Variants in HSF4 observed in about 807,000 individuals in gnomAD.
HSF4 encodes heat shock factor protein 4.
HSF4 carries 41 observed loss-of-function variants against 52.0 expected under a neutral mutation model. That is an observed-to-expected ratio of 0.79 (90% CI 0.61 to 1.02). HSF4 has a LOEUF of 1.02. Ranked by LOEUF, HSF4 falls within the 50% of genes least tolerant of loss-of-function variation. The pLI, the probability that HSF4 is intolerant of heterozygous loss-of-function variation, is 0.00. For synonymous variants in HSF4, 285 were observed against 273.0 expected (o/e 1.04, Z -0.43); for missense variants, 610 against 651.1 (o/e 0.94, Z 0.69).
upstream of HSF4, chr16:67,164,030 GC>G: frequency 1.3e-6 from 1 of 743,380 alleles, no homozygotes. Flanking sequence ...CGCCCCACCC[GC>G]TCGGTCCTGG....
At chr16:67,166,698 C>T in intron 6 of HSF4, 76 bp downstream of exon 6, 1 of 1,325,300 alleles carries the variant, frequency 7.5e-7, no homozygotes, top group African/African-American at 1.4e-5. Flanking sequence ...ACCCCTTCTC[C>T]TCTGGAAACT....
chr16:67,167,092 C>T (rs2031361043), intron 6 of HSF4, 28 bp from the exon 7 acceptor site: 4 of 1,613,872 alleles, frequency 2.5e-6, no homozygotes, highest in Non-Finnish European at 3.4e-6. Context: ...CTGCCCCACC[C>T]CTGCCTGTGC....
intron 4 of HSF4, 34 bp downstream of exon 4, chr16:67,166,104 G>C (rs1384820256): frequency 2.1e-6 from 3 of 1,458,270 alleles, no homozygotes; most frequent in Admixed American, 4.0e-5. Flanking sequence ...GGGGACAGGG[G>C]TGGGGGGTTC....
chr16:67,169,323 C>T lies in HSF4; in HGVS notation c.1299C>T (p.Val433=). 1 of 1,613,650 alleles carries T rather than the reference C, an allele frequency of 6.2e-7. No homozygotes were observed. Among genetic ancestry groups the T allele is most frequent in the South Asian group, 1.1e-5 (1 of 90,970 alleles). The change falls in exon 12 of 13, where the codon GTC becomes GTT. Residue 433 remains valine (V), a synonymous_variant. Coordinates refer to ENST00000521374, the MANE Select transcript of HSF4 (RefSeq NM_001374675.1). The surrounding 1 kb of genome is among the most constrained non-coding windows in gnomAD (Gnocchi z 4.3). Reference sequence around the variant, plus strand: ...AGCGGGGTGAGCCTGAGCTGGCGGTCAAGGGGTTAAATTCTCCAAGCCCAG... The same window carrying T: ...AGCGGGGTGAGCCTGAGCTGGCGGTTAAGGGGTTAAATTCTCCAAGCCCAG... ...VPERGEPELA[V]KGLNSPSPGK...
At position 67,166,260 on chromosome 16, in the gene HSF4, T is replaced by TG. The variant is rs1465013229; in HGVS notation, c.486-54dup. On this transcript the variant is annotated intron_variant, in intron 4 of 12. Transcript: ENST00000521374. ...CTGGGTCCCCAGCCTCGCCATTCTG[T>TG]GGGGGGTGGTGACTGGGCGAACTCT... is the stretch of plus-strand genomic sequence containing the variant. 3.3e-6 allele frequency: 5 copies of TG among 1,513,776 alleles called. No individual in the cohort carries two copies. In the South Asian group the frequency reaches 3.5e-5, roughly 11 times the overall value. 93.8% of individuals were successfully genotyped at this position (1,513,776 alleles called of 1,614,324 possible).
intron 9 of HSF4, among the ~76,000 whole-genome samples, chr16:67,168,388 C>T (rs888736550): frequency 1.6e-4 from 24 of 151,842 alleles, no homozygotes; most frequent in African/African-American, 4.6e-4. Flanking sequence ...GCAGGACAGT[C>T]GCTTGAACTT....
chr16:67,165,445 G>T lies in HSF4; in HGVS notation c.124-77G>T. The T allele has an allele frequency of 1.5e-6, 2 of 1,309,026 alleles. No individual in the cohort carries two copies. The highest frequency in any genetic ancestry group is 1.1e-6 in the Non-Finnish European group (1 of 904,972). 81.1% of individuals were successfully genotyped at this position (1,309,026 alleles called of 1,614,324 possible). A position where few individuals can be genotyped will look rare whatever the true frequency, so the allele number is the denominator to read the frequency against. On this transcript the variant is annotated intron_variant, in intron 1 of 12. Coordinates refer to ENST00000521374, the MANE Select transcript of HSF4 (RefSeq NM_001374675.1). This position sits in a 1 kb window ranked among gnomAD's most constrained non-coding sequence, Gnocchi z 6.9. ...CATGAGTGTGTGCGCGCGCTGGAGC[G>T]CAGGACTGGCCGTGAGCGGGCACCG...
In HSF4 at chr16:67,169,736, A is replaced by G. The variant is rs1348402458; in HGVS notation, c.1430A>G (p.Glu477Gly). The G allele has an allele frequency of 6.2e-7, 1 of 1,613,090 alleles. No individual in the cohort carries two copies. Among genetic ancestry groups the G allele is most frequent in the South Asian group, 1.1e-5 (1 of 91,080 alleles). ...PGALTIYSTP[E>G]SRTASYLGPE... ...GCTTTAACCATTTATAGCACTCCTG[A>G]GAGCCGGACTGCCTCCTACTTGGGC... Residue 477 changes from glutamate to glycine, a missense_variant, in exon 13 of 13, where the codon GAG becomes GGG. By Grantham distance (98) the Glu-to-Gly change is moderately conservative. Coordinates refer to ENST00000521374, the MANE Select transcript of HSF4 (RefSeq NM_001374675.1). This position sits in a 1 kb window ranked among gnomAD's most constrained non-coding sequence, Gnocchi z 4.3.
In HSF4 at chr16:67,166,405, T is replaced by G; in HGVS notation, c.561+10T>G. 1 of 1,605,362 alleles carries G rather than the reference T, an allele frequency of 6.2e-7. No individual in the cohort carries two copies. On this transcript the variant is annotated intron_variant, in intron 5 of 12. Coordinates refer to ENST00000521374, the MANE Select transcript of HSF4 (RefSeq NM_001374675.1). Reference sequence around the variant, plus strand: ...CCGGGTCATTGGCAAGGTGTTCCTCTCCCCAAGCCTCGCTTCTCCCTCCCA... The same window carrying G: ...CCGGGTCATTGGCAAGGTGTTCCTCGCCCCAAGCCTCGCTTCTCCCTCCCA...
chr16:67,164,287 C>T (rs2031076558), upstream of HSF4: 2 of 395,084 alleles, frequency 5.1e-6, no homozygotes, highest in Non-Finnish European at 9.9e-6. Context: ...AGCCTCTGGA[C>T]GACACAGCTG....
rs770184639 is a variant in HSF4 at position 67,168,882 on chromosome 16, T to G, written c.1134T>G (p.Pro378=). ...ACAGGAGCCCAGAGAGTCTGCTGCC[T>G]CCGATGCTGCTTCAGCCCCCTCAAG... ...SGDRSPESLL[P]PMLLQPPQES... is the part of the protein sequence containing the mutation. Residue 378 remains proline, a synonymous_variant, in exon 10 of 13, where the codon CCT becomes CCG. Coordinates refer to ENST00000521374, the MANE Select transcript of HSF4 (RefSeq NM_001374675.1). 6.2e-7 allele frequency: 1 copy of G among 1,613,994 alleles called. No individual in the cohort carries two copies. Among genetic ancestry groups the G allele is most frequent in the Admixed American group, 1.7e-5 (1 of 60,022 alleles).
In HSF4 at chr16:67,165,402, C is replaced by T; in HGVS notation, c.124-120C>T. ...GACCCATATCCCCGTAAGCGGCAGG[C>T]CTGGACCCAAGAGTGAGCATGAGTG... On this transcript the variant is annotated intron_variant, in intron 1 of 12. Transcript: ENST00000521374. This position sits in a 1 kb window ranked among gnomAD's most constrained non-coding sequence, Gnocchi z 6.9. 1.1e-6 allele frequency: 1 copy of T among 941,914 alleles called. No individual in the cohort carries two copies. Among genetic ancestry groups the T allele is most frequent in the Non-Finnish European group, 1.7e-6 (1 of 587,516 alleles). The allele number at this position is 941,914 out of a possible 1,614,324, so 58.3% of individuals were successfully genotyped here. A position where few individuals can be genotyped will look rare whatever the true frequency, so the allele number is the denominator to read the frequency against.
In HSF4 at chr16:67,169,477, G is replaced by A; in HGVS notation, c.1324+129G>A. 1.3e-6 allele frequency: 2 copies of A among 1,573,492 alleles called. No individual in the cohort carries two copies. The highest frequency in any genetic ancestry group is 1.7e-6 in the Non-Finnish European group (2 of 1,163,234). On this transcript the variant is annotated intron_variant, in intron 12 of 12. Coordinates refer to ENST00000521374, the MANE Select transcript of HSF4 (RefSeq NM_001374675.1). This position sits in a 1 kb window ranked among gnomAD's most constrained non-coding sequence, Gnocchi z 4.3. ...CAGGCTGCACTGCAGAGCGTTCCTT[G>A]AGCCACCCATGCCCTCACCATTGGG...
chr16:67,165,087 G>C lies in HSF4; in HGVS notation c.123+153G>C. ...TTCACCTTGGAGGGGGTGTGCGAGA[G>C]GGGGGTTTCCTCTGCGGCCGAAGAA... On this transcript the variant is annotated intron_variant, in intron 1 of 12. Coordinates refer to ENST00000521374, the MANE Select transcript of HSF4 (RefSeq NM_001374675.1). This position sits in a 1 kb window ranked among gnomAD's most constrained non-coding sequence, Gnocchi z 6.9. The C allele has an allele frequency of 1.2e-6, 1 of 857,746 alleles. No homozygotes were observed. Among genetic ancestry groups the C allele is most frequent in the Non-Finnish European group, 1.7e-6 (1 of 573,094 alleles). The allele number at this position is 857,746 out of a possible 1,614,324, so 53.1% of individuals were successfully genotyped here.
At position 67,166,591 on chromosome 16, in the gene HSF4, G is replaced by A. The variant is rs764542115; in HGVS notation, c.595G>A (p.Gly199Arg). The A allele has an allele frequency of 1.7e-5, 28 of 1,613,834 alleles. No individual in the cohort carries two copies. Among genetic ancestry groups the A allele is most frequent in the Middle Eastern group, 1.6e-4 (1 of 6,084 alleles). Residue 199 changes from glycine to arginine, a missense_variant, in exon 6 of 13, where the codon GGG becomes AGG. Physicochemically the swap from Gly to Arg is moderately radical, Grantham distance 125. Transcript: ENST00000521374. The part of the protein sequence containing the change: ...IQCLFGPLQA[G>R]PSNAGGKRKL... Reference sequence around the variant, plus strand: ...GTGTCTCTTTGGGCCACTTCAGGCGGGGCCGAGCAATGCAGGAGGCAAGAG... The same window carrying A: ...GTGTCTCTTTGGGCCACTTCAGGCGAGGCCGAGCAATGCAGGAGGCAAGAG...
chr16:67,166,719 G>C (rs778243928), intron 6 of HSF4, 97 bp downstream of exon 6: 4 of 1,149,720 alleles, frequency 3.5e-6, no homozygotes, highest in Non-Finnish European at 5.2e-6. Context: ...CCTTCACCGG[G>C]AATCCTCATT....
rs1567670038 is a variant in HSF4, at chr16:67,167,878, GC to G, written c.1014del (p.Phe339SerfsTer57). ...VVQAILEGKG[S>X]FSPEGPRNAQ... ...CAGGCCATCCTGGAAGGGAAAGGGA[GC>G]TTCAGCCCCGAGGGGCCCAGGAATG... On this transcript the variant is annotated frameshift_variant, in exon 9 of 13. Transcript: ENST00000521374. LOFTEE classifies it high-confidence loss of function. 1 of 1,606,740 alleles carries G rather than the reference GC, an allele frequency of 6.2e-7. No individual in the cohort carries two copies. Among genetic ancestry groups the G allele is most frequent in the East Asian group, 2.2e-5 (1 of 44,670 alleles).
rs1465808526 is a variant in HSF4 at position 67,169,385 on chromosome 16, G to A, written c.1324+37G>A. The stretch of plus-strand genomic sequence containing the variant: ...GATGACTCCTACCTGGGAGGACGCC[G>A]TGATTGGGCTGAGCTACCTTGATTG... On this transcript the variant is annotated intron_variant, in intron 12 of 12. Transcript: ENST00000521374. This position sits in a 1 kb window ranked among gnomAD's most constrained non-coding sequence, Gnocchi z 4.3. 6.2e-7 allele frequency: 1 copy of A among 1,601,634 alleles called. No homozygotes were observed. Among genetic ancestry groups the A allele is most frequent in the Non-Finnish European group, 8.5e-7 (1 of 1,173,850 alleles).
chr16:67,166,317 C>T lies in HSF4; in HGVS notation c.486-3C>T, dbSNP rs1306132207. 6.2e-7 allele frequency: 1 copy of T among 1,612,066 alleles called. No homozygotes were observed. Among genetic ancestry groups the T allele is most frequent in the Non-Finnish European group, 8.5e-7 (1 of 1,179,060 alleles). The stretch of plus-strand genomic sequence containing the variant: ...CCTCAGCACCCTCCCACCCCTTCCT[C>T]AGGCAGAACGAGATCTTGTGGCGGG... On this transcript the variant is annotated splice_region_variant and splice_polypyrimidine_tract_variant and intron_variant, in intron 4 of 12. Transcript: ENST00000521374.
Sources: gnomAD v4.1 joint callset for allele counts (sites outside exome capture counted in the v4.1 genomes callset) on GRCh38, gnomAD v4.1.1 for gene constraint, Gnocchi (gnomAD v3.1) non-coding constraint, MANE v1.5 for transcripts, NCBI Gene and HGNC (gene_info 2026-07-23, HGNC 2026-07-21) for gene names.